EHBP1: variants seen among roughly 807,000 people sequenced by gnomAD.
EHBP1 encodes the protein EH domain binding protein 1.
In EHBP1, 55 loss-of-function variants were observed where a neutral mutation model predicts 144.0. The observed-to-expected ratio is 0.38, with a 90% CI of 0.31 to 0.48. The LOEUF (loss-of-function observed/expected upper bound fraction) is 0.48, where lower values mean the gene tolerates loss of function less well. Among genes scored for constraint, EHBP1 ranks in the 20% least tolerant of loss-of-function variants. EHBP1 has a pLI of 0.98. For missense variants in EHBP1, 1,200 were observed against 1,364.2 expected, an observed-to-expected ratio of 0.88 and a Z score of 1.90; for synonymous variants, 469 against 472.7, an observed-to-expected ratio of 0.99 and a Z score of 0.10.
chr2:63,037,503 T>C, intron 19 of EHBP1, 32 bp from the exon 20 acceptor site: 1 of 1,461,394 alleles, frequency 6.8e-7, no homozygotes, highest in Non-Finnish European at 9.5e-7. Flanking sequence ...TTTAACATCG[T>C]ATAGTAAAAG....
chr2:62,747,474 CT>C, intron 3 of EHBP1, 22 bp downstream of exon 3: 1 of 1,585,586 alleles, frequency 6.3e-7, no homozygotes, highest in South Asian at 1.2e-5. Flanking sequence ...TTCTAAATTT[CT>C]TACCTAATTG....
intron 5 of EHBP1, among the ~76,000 whole-genome samples, chr2:62,781,781 TA>T (rs1172731237): frequency 6.6e-6 from 1 of 152,226 alleles, no homozygotes; most frequent in African/African-American, 2.4e-5. Context: ...CTTTTCTTTC[TA>T]AAATTACTTA....
chr2:62,911,105 G>A (rs747732141), intron 10 of EHBP1, among the ~76,000 whole-genome samples: 7 of 152,044 alleles, frequency 4.6e-5, no homozygotes, highest in Non-Finnish European at 8.8e-5. Flanking sequence ...TTTAAAATAC[G>A]TGCTAATCTG....
At chr2:62,917,170 A>G (rs2710640) in intron 10 of EHBP1, among the ~76,000 whole-genome samples, 100,326 of 151,974 alleles carry the variant, frequency 0.66, 33,183 homozygotes, top group East Asian at 0.72. Flanking sequence ...TGAATACCAC[A>G]GGCAATTGTA....
intron 2 of EHBP1, among the ~76,000 whole-genome samples, chr2:62,720,093 A>G (rs541071246): frequency 4.1e-4 from 63 of 152,302 alleles, no homozygotes; most frequent in African/African-American, 1.4e-3. Flanking sequence ...TAGATTGTCA[A>G]GTGTCTAAAA....
At position 62,679,670 on chromosome 2, in the gene EHBP1, T is replaced by G. The variant is rs149983540; in HGVS notation, c.-296+5587T>G. ...AAATTTCTCAACGGTAATAAAAGAC[T>G]TAAGACAGACTCTTAGTATAAAGTC... On this transcript the variant is annotated intron_variant, in intron 1 of 22. Transcript: ENST00000405015. Among the ~76,000 whole-genome samples, 42 of 152,284 alleles carry G rather than the reference T, an allele frequency of 2.8e-4. No individual in the cohort carries two copies. The East Asian group carries it at 6.4e-3, about 23-fold the overall frequency.
At chr2:62,850,656 CAAG>C (rs2048630814) in intron 7 of EHBP1, among the ~76,000 whole-genome samples, 2 of 151,860 alleles carry the variant, frequency 1.3e-5, no homozygotes, top group African/African-American at 4.8e-5. Context: ...TTCTGTGAAA[CAAG>C]ACTTTATAAA....
rs1318182623 is a variant in EHBP1, at chr2:62,928,857, G to A, written c.1186-13861G>A. On this transcript the variant is annotated intron_variant, in intron 10 of 22. Transcript: ENST00000431489. ...ACTAAGAACAAAAAAAAAAAAAAAA[G>A]AGAAAAGGCTCACTTTAGTAAAATT... is the stretch of plus-strand genomic sequence containing the variant. Among the ~76,000 whole-genome samples, 730 of 138,844 alleles carry A rather than the reference G, an allele frequency of 5.3e-3. 1 individual carries two copies. Among genetic ancestry groups the A allele is most frequent in the Non-Finnish European group, 8.5e-3 (545 of 64,286 alleles). The allele number at this position is 138,844 out of a possible 152,430, so 91.1% of individuals were successfully genotyped here. A position where few individuals can be genotyped will look rare whatever the true frequency, so the allele number is the denominator to read the frequency against.
chr2:62,705,843 G>T lies in EHBP1; in HGVS notation c.-505G>T, dbSNP rs1318540972. 7.1e-6 allele frequency: 1 copy of T among 141,160 alleles called. No individual in the cohort carries two copies. The highest frequency in any genetic ancestry group is 1.5e-5 in the Non-Finnish European group (1 of 65,496). 8.7% of individuals were successfully genotyped at this position (141,160 alleles called of 1,614,324 possible). On this transcript the variant is annotated 5_prime_UTR_variant, in exon 1 of 23. Transcript: ENST00000431489. Reference sequence around the variant, plus strand: ...GTGGGGGACGGTCGCGGGGCGATCTGTCAGGGAGGGGGTGGGCGTGAGGGG... The same window carrying T: ...GTGGGGGACGGTCGCGGGGCGATCTTTCAGGGAGGGGGTGGGCGTGAGGGG...
Position 62,898,712 on chromosome 2 carries a change from G to A in EHBP1, c.1185+24180G>A, listed in dbSNP as rs551411293. 3.9e-5 allele frequency among the ~76,000 whole-genome samples: 6 copies of A among 152,114 alleles called. No homozygotes were observed. In the East Asian group the frequency reaches 1.2e-3, roughly 29 times the overall value. On this transcript the variant is annotated intron_variant, in intron 10 of 22. Coordinates refer to ENST00000431489, the MANE Select transcript of EHBP1 (RefSeq NM_001142616.3). ...AATAGGTACTCAATAAATAATTGTT[G>A]GGTGGATGGATAGACGAAAGGAAAA...
chr2:62,925,526 C>A (rs2055434295), intron 10 of EHBP1, among the ~76,000 whole-genome samples: 1 of 151,936 alleles, frequency 6.6e-6, no homozygotes, highest in Non-Finnish European at 1.5e-5. Context: ...TAAGAAAAAT[C>A]TAAAGACTGT....
intron 5 of EHBP1, among the ~76,000 whole-genome samples, chr2:62,825,690 C>T (rs1183084120): frequency 6.6e-6 from 1 of 151,540 alleles, no homozygotes; most frequent in African/African-American, 2.4e-5. Flanking sequence ...GGAGAAATAT[C>T]ATTAGGTTAC....
chr2:62,978,932 G>A (rs1274812331), intron 14 of EHBP1, among the ~76,000 whole-genome samples: 1 of 152,046 alleles, frequency 6.6e-6, no homozygotes, highest in Non-Finnish European at 1.5e-5. Context: ...TATTTTCTCA[G>A]TAATATGTAT....
intron 9 of EHBP1, 22 bp downstream of exon 9, chr2:62,864,993 G>T: frequency 6.2e-7 from 1 of 1,609,076 alleles, no homozygotes. Flanking sequence ...TCATTTTGCT[G>T]TCATCACAAG....
Position 62,850,027 on chromosome 2 carries a change from G to A in EHBP1, c.635-9142G>A, listed in dbSNP as rs538494132. On this transcript the variant is annotated intron_variant, in intron 7 of 22. Transcript: ENST00000431489. ...CCTATGATGGGATCCTAGGCAGAGGGAAGAGTAATTATTATTAAAACAGAC... is the reference window on the plus strand; with the variant it reads ...CCTATGATGGGATCCTAGGCAGAGGAAAGAGTAATTATTATTAAAACAGAC... Among the ~76,000 whole-genome samples, 7 of 152,224 alleles carry A rather than the reference G, an allele frequency of 4.6e-5. No individual in the cohort carries two copies. The South Asian group carries it at 1.5e-3, about 32-fold the overall frequency.
In EHBP1 at chr2:62,716,263, A is replaced by G. The variant is rs191092713; in HGVS notation, c.104+8968A>G. 1.6e-3 allele frequency among the ~76,000 whole-genome samples: 242 copies of G among 152,270 alleles called. 1 individual carries two copies. The highest frequency in any genetic ancestry group is 5.7e-3 in the African/African-American group (235 of 41,542). On this transcript the variant is annotated intron_variant, in intron 2 of 22. Coordinates refer to ENST00000431489, the MANE Select transcript of EHBP1 (RefSeq NM_001142616.3). ...GAGGAGGTGTTACTGATTTTGGACA[A>G]TTCTAAGGCTTCAATCCCCTTTTCC... is the stretch of plus-strand genomic sequence containing the variant.
chr2:62,845,877 C>CT (rs1009917103), intron 7 of EHBP1, among the ~76,000 whole-genome samples: 2 of 152,004 alleles, frequency 1.3e-5, no homozygotes, highest in African/African-American at 4.8e-5. Context: ...AAAACTGCCT[C>CT]TGTTATGTAG....
chr2:63,030,347 G>A (rs1461797676), intron 19 of EHBP1, among the ~76,000 whole-genome samples: 1 of 151,536 alleles, frequency 6.6e-6, no homozygotes, highest in Non-Finnish European at 1.5e-5. Context: ...TGAAATTTTG[G>A]CCTACATGAA....
chr2:62,901,612 T>A (rs181089728), intron 10 of EHBP1, among the ~76,000 whole-genome samples: 4 of 151,824 alleles, frequency 2.6e-5, no homozygotes, highest in Non-Finnish European at 5.9e-5. Context: ...TTAGAATAGA[T>A]CCTCTGAGTT....
Sources: allele counts gnomAD v4.1 joint callset (sites outside exome capture counted in the v4.1 genomes callset), GRCh38; gene constraint gnomAD v4.1.1; transcripts MANE v1.5; gene names NCBI Gene and HGNC (gene_info 2026-07-23, HGNC 2026-07-21).